LSAMP: variants seen among roughly 807,000 people sequenced by gnomAD.
The protein encoded by LSAMP is limbic system associated membrane protein, also known as limbic system-associated membrane protein.
In LSAMP, 7 loss-of-function variants were observed where a neutral mutation model predicts 38.6. That is an observed-to-expected ratio of 0.18 (90% confidence interval 0.10 to 0.34). The LOEUF (loss-of-function observed/expected upper bound fraction) is 0.34, where lower values mean the gene tolerates loss of function less well. LSAMP is among the 10% of genes least tolerant of loss of function. The probability of loss-of-function intolerance (pLI) is 1.00; values close to 1 mark genes in which losing one functional copy is unlikely to be tolerated. For synonymous variants in LSAMP, 154 were observed against 166.8 expected (o/e 0.92, Z 0.59); for missense variants, 313 against 420.0 (o/e 0.75, Z 2.23).
At chr3:115,898,168 G>T (rs2107474869) in intron 3 of LSAMP, among the ~76,000 whole-genome samples, 1 of 152,162 alleles carries the variant, frequency 6.6e-6, no homozygotes, top group South Asian at 2.1e-4. Flanking sequence ...CCAAATTTTG[G>T]ATGATGATAA....
chr3:115,857,191 G>T (rs187621920), intron 3 of LSAMP, among the ~76,000 whole-genome samples: 1 of 152,158 alleles, frequency 6.6e-6, no homozygotes, highest in African/African-American at 2.4e-5. Context: ...AGCAAGTGCC[G>T]TTTCTTGTTT....
chr3:116,360,169 A>G (rs2048289646), intron 1 of LSAMP: 1 of 141,082 alleles, frequency 7.1e-6, no homozygotes. Context: ...GCGCGAGCCG[A>G]AGCAGGGCGA....
chr3:115,922,579 T>G (rs1423992678), intron 3 of LSAMP, among the ~76,000 whole-genome samples: 2 of 152,294 alleles, frequency 1.3e-5, no homozygotes, highest in Non-Finnish European at 2.9e-5. Context: ...AGATTTATAT[T>G]GTTTCTTTCC....
intron 1 of LSAMP, among the ~76,000 whole-genome samples, chr3:116,086,922 T>G (rs1000299534): frequency 6.6e-6 from 1 of 152,234 alleles, no homozygotes; most frequent in African/African-American, 2.4e-5. Flanking sequence ...ATCATAGCAC[T>G]TTTACTCCAT....
At chr3:116,396,641 A>G (rs1201887573) in intron 1 of LSAMP, among the ~76,000 whole-genome samples, 1 of 152,168 alleles carries the variant, frequency 6.6e-6, no homozygotes, top group African/African-American at 2.4e-5. Flanking sequence ...TTTCTATAGG[A>G]TCTAGCAGTA....
intron 2 of LSAMP, among the ~76,000 whole-genome samples, chr3:116,078,730 G>A (rs746662249): frequency 3.9e-5 from 6 of 152,126 alleles, no homozygotes; most frequent in Admixed American, 6.5e-5. Context: ...GCTCGTGAAA[G>A]TCTCTCTCAA....
At chr3:116,039,342 G>A (rs138997175) in intron 2 of LSAMP, among the ~76,000 whole-genome samples, 215 of 152,344 alleles carry the variant, frequency 1.4e-3, no homozygotes, top group African/African-American at 4.4e-3. Context: ...GGCAAAAAAT[G>A]CTTTGGGGAT....
chr3:116,010,240 A>C (rs1480860662), intron 3 of LSAMP, among the ~76,000 whole-genome samples: 1 of 152,212 alleles, frequency 6.6e-6, no homozygotes, highest in African/African-American at 2.4e-5. Flanking sequence ...TGTTTTCAGG[A>C]AAGGAAATGT....
intron 6 of LSAMP, among the ~76,000 whole-genome samples, chr3:115,828,563 G>T (rs893211050): frequency 6.6e-6 from 1 of 152,196 alleles, no homozygotes; most frequent in Non-Finnish European, 1.5e-5. Flanking sequence ...AAAGACCAGA[G>T]GAGCCTGTGT....
intron 3 of LSAMP, among the ~76,000 whole-genome samples, chr3:115,998,383 A>G (rs1376529402): frequency 6.6e-6 from 1 of 152,140 alleles, no homozygotes; most frequent in Non-Finnish European, 1.5e-5. Context: ...CAGTGGGTGG[A>G]TTGCTGAATA....
Position 115,806,471 on chromosome 3 carries a change from A to G in LSAMP, c.*3846T>C, listed in dbSNP as rs1933633636. Reference sequence around the variant, plus strand: ...ATCTGCGACTCTGGAGGATTCAAGAAGCTCACAACTTGGTAAAGTAATAAC... The same window carrying G: ...ATCTGCGACTCTGGAGGATTCAAGAGGCTCACAACTTGGTAAAGTAATAAC... On this transcript the variant is annotated 3_prime_UTR_variant, in exon 7 of 7. Coordinates refer to ENST00000490035, the MANE Select transcript of LSAMP (RefSeq NM_002338.5). 1.3e-5 allele frequency: 2 copies of G among 152,246 alleles called. No homozygotes were observed. The highest frequency in any genetic ancestry group is 2.4e-5 in the African/African-American group (1 of 41,474). The allele number at this position is 152,246 out of a possible 1,614,324, so 9.4% of individuals were successfully genotyped here.
At chr3:115,833,522 A>G (rs780893790) in intron 6 of LSAMP, among the ~76,000 whole-genome samples, 3 of 152,300 alleles carry the variant, frequency 2.0e-5, no homozygotes, top group Non-Finnish European at 4.4e-5. Flanking sequence ...ATATATTTGC[A>G]TATGTGAATG....
At chr3:115,892,335 A>G (rs1001341413) in intron 3 of LSAMP, among the ~76,000 whole-genome samples, 3 of 152,018 alleles carry the variant, frequency 2.0e-5, no homozygotes, top group Admixed American at 6.6e-5. Flanking sequence ...ATAGTCCCCA[A>G]ATAGAAACCA....
rs147108914 is a variant in LSAMP at position 116,321,611 on chromosome 3, C to T, written c.155+123266G>A. On this transcript the variant is annotated intron_variant, in intron 1 of 6. Transcript: ENST00000490035. ...GGATTAATTGTCCAAGATCATATAG[C>T]TAGCAAGTGATGAAACCTGGGTTCA... Among the ~76,000 whole-genome samples the T allele has an allele frequency of 6.2e-3, 940 of 152,208 alleles. 8 individuals are homozygous for T. The highest frequency in any genetic ancestry group is 0.021 in the African/African-American group (892 of 41,524).
At chr3:116,306,671 G>C (rs1296351987) in intron 1 of LSAMP, among the ~76,000 whole-genome samples, 2 of 151,980 alleles carry the variant, frequency 1.3e-5, no homozygotes, top group Non-Finnish European at 1.5e-5. Context: ...AGGGAAAAGA[G>C]ATGAGTTGGA....
intron 6 of LSAMP, among the ~76,000 whole-genome samples, chr3:115,818,797 T>C (rs9836581): frequency 0.18 from 8,106 of 45,930 alleles, 692 homozygotes; most frequent in African/African-American, 0.38. Context: ...CTTTTATATA[T>C]ATATATATAT....
At chr3:115,998,762 CACAG>C (rs1463605843) in intron 3 of LSAMP, among the ~76,000 whole-genome samples, 2 of 152,088 alleles carry the variant, frequency 1.3e-5, no homozygotes, top group Admixed American at 1.3e-4. Flanking sequence ...TATAAGGTCA[CACAG>C]ACAATCAGGA....
Position 115,978,166 on chromosome 3 carries a change from CTTCT to C in LSAMP, c.514+41345_514+41348del, listed in dbSNP as rs201984241. Among the ~76,000 whole-genome samples the C allele has an allele frequency of 9.6e-3, 1,465 of 152,176 alleles. 15 individuals carry two copies. Among genetic ancestry groups the C allele is most frequent in the African/African-American group, 0.032 (1,322 of 41,522 alleles). ...AAACACCTGCCACCACGCCCAGCGA[CTTCT>C]TTCTTAAGGCAAGGAAATGGTAGTT... On this transcript the variant is annotated intron_variant, in intron 3 of 6. Transcript: ENST00000490035.
intron 1 of LSAMP, among the ~76,000 whole-genome samples, chr3:116,251,218 A>C (rs2046680648): frequency 6.6e-6 from 1 of 152,218 alleles, no homozygotes; most frequent in African/African-American, 2.4e-5. Flanking sequence ...TAAGGTCGAA[A>C]CATCTGATTA....
Sources: allele counts gnomAD v4.1 joint callset (sites outside exome capture counted in the v4.1 genomes callset), GRCh38; gene constraint gnomAD v4.1.1; transcripts MANE v1.5; gene names NCBI Gene and HGNC (gene_info 2026-07-23, HGNC 2026-07-21).